Variants in CNTNAP5 observed in about 807,000 individuals in gnomAD.
CNTNAP5 encodes contactin associated protein family member 5.
Under a neutral mutation model 150.2 loss-of-function variants are expected in CNTNAP5, and 72 were observed. The ratio of observed to expected loss-of-function variants is 0.48; its 90% CI spans 0.40 to 0.58. The LOEUF (loss-of-function observed/expected upper bound fraction) is 0.58. CNTNAP5 is among the 20% of genes least tolerant of loss of function. The probability of loss-of-function intolerance (pLI) is 0.00; values close to 1 mark genes in which losing one functional copy is unlikely to be tolerated. For missense variants in CNTNAP5, 1,636 were observed against 1,626.2 expected (o/e 1.01, Z -0.10); for synonymous variants, 672 against 619.8 (o/e 1.08, Z -1.25).
intron 7 of CNTNAP5, among the ~76,000 whole-genome samples, chr2:124,503,289 G>T (rs909603568): frequency 2.0e-5 from 3 of 152,156 alleles, no homozygotes; most frequent in Admixed American, 2.0e-4. Flanking sequence ...AACATGGTTG[G>T]CACCTACGGA....
chr2:124,760,595 C>A (rs188468469), intron 14 of CNTNAP5, among the ~76,000 whole-genome samples: 1 of 151,990 alleles, frequency 6.6e-6, no homozygotes, highest in Non-Finnish European at 1.5e-5. Context: ...TTGCCACATG[C>A]GTTTTATTAT....
At chr2:124,347,262 T>G (rs1210998417) in intron 3 of CNTNAP5, among the ~76,000 whole-genome samples, 1 of 152,180 alleles carries the variant, frequency 6.6e-6, no homozygotes, top group Non-Finnish European at 1.5e-5. Flanking sequence ...TGACGGGGCA[T>G]CTGGAGAAAG....
At chr2:124,319,261 G>T (rs1291216565) in intron 3 of CNTNAP5, among the ~76,000 whole-genome samples, 1 of 152,118 alleles carries the variant, frequency 6.6e-6, no homozygotes, top group Non-Finnish European at 1.5e-5. Flanking sequence ...GCAGATGGCA[G>T]TTCTTCACTT....
chr2:124,239,356 A>G (rs560030382), intron 2 of CNTNAP5, among the ~76,000 whole-genome samples: 54 of 152,314 alleles, frequency 3.5e-4, no homozygotes, highest in African/African-American at 1.2e-3. Context: ...TTAAAGCATG[A>G]TGAGGAAGTC....
intron 1 of CNTNAP5, among the ~76,000 whole-genome samples, chr2:124,146,069 G>T (rs12328962): frequency 6.6e-6 from 1 of 152,100 alleles, no homozygotes; most frequent in African/African-American, 2.4e-5. Flanking sequence ...AAAGCAGATA[G>T]GACAAAGGTC....
rs1488520397 is a variant in CNTNAP5, at chr2:124,915,384, A to T, written c.*1096A>T. On this transcript the variant is annotated 3_prime_UTR_variant, in exon 24 of 24. Transcript: ENST00000682447. The stretch of plus-strand genomic sequence containing the variant: ...AAATGAAAAAAAAACTGCATGAAAG[A>T]AGAAAAATACCAAACAGAATTCTTC... The T allele has an allele frequency of 1.2e-5, 2 of 166,622 alleles. No homozygotes were observed. The highest frequency in any genetic ancestry group is 2.9e-5 in the Non-Finnish European group (2 of 68,074). The allele number at this position is 166,622 out of a possible 1,614,324, so 10.3% of individuals were successfully genotyped here. A position where few individuals can be genotyped will look rare whatever the true frequency, so the allele number is the denominator to read the frequency against.
chr2:124,226,319 C>T (rs1050247146), intron 2 of CNTNAP5, among the ~76,000 whole-genome samples: 3 of 152,098 alleles, frequency 2.0e-5, no homozygotes, highest in East Asian at 1.9e-4. Flanking sequence ...GGTGACGTCT[C>T]ATTGTGGTTT....
chr2:124,270,756 T>C (rs1391167258), intron 3 of CNTNAP5, among the ~76,000 whole-genome samples: 2 of 152,170 alleles, frequency 1.3e-5, no homozygotes, highest in African/African-American at 4.8e-5. Flanking sequence ...TCAAAATTCC[T>C]TATCCAAAAA....
intron 17 of CNTNAP5, among the ~76,000 whole-genome samples, chr2:124,779,748 C>A (rs760544700): frequency 2.0e-5 from 3 of 152,138 alleles, no homozygotes; most frequent in Non-Finnish European, 4.4e-5. Context: ...AATGGACCTG[C>A]CCCTACCCTG....
intron 1 of CNTNAP5, among the ~76,000 whole-genome samples, chr2:124,126,520 C>A (rs372533073): frequency 6.6e-6 from 1 of 152,080 alleles, no homozygotes; most frequent in East Asian, 1.9e-4. Context: ...AACTATTCCA[C>A]TCAATAGAAA....
chr2:124,188,570 T>G (rs1163912553), intron 1 of CNTNAP5, among the ~76,000 whole-genome samples: 1 of 151,566 alleles, frequency 6.6e-6, no homozygotes. Context: ...ATACAAAAAA[T>G]TAGCCGGGCG....
chr2:124,616,160 C>G (rs542457731), intron 12 of CNTNAP5, among the ~76,000 whole-genome samples: 1 of 152,246 alleles, frequency 6.6e-6, no homozygotes, highest in East Asian at 1.9e-4. Context: ...GAGATACAGC[C>G]TATCCTTGGA....
chr2:124,114,868 A>T (rs148136013), intron 1 of CNTNAP5, among the ~76,000 whole-genome samples: 2 of 151,662 alleles, frequency 1.3e-5, no homozygotes, highest in African/African-American at 4.8e-5. Flanking sequence ...GGATTTTTCA[A>T]ATGCTTTTTC....
intron 14 of CNTNAP5, among the ~76,000 whole-genome samples, chr2:124,763,304 G>C (rs1680997988): frequency 1.3e-5 from 2 of 152,154 alleles, no homozygotes; most frequent in South Asian, 4.1e-4. Context: ...GCTGTTTCAA[G>C]TTAGTTGCTG....
chr2:124,102,797 C>A (rs1270015113), intron 1 of CNTNAP5, among the ~76,000 whole-genome samples: 1 of 152,088 alleles, frequency 6.6e-6, no homozygotes, highest in Non-Finnish European at 1.5e-5. Flanking sequence ...TGCCTCACAG[C>A]GATGTTGTGA....
chr2:124,193,276 T>C (rs1486768262), intron 1 of CNTNAP5, among the ~76,000 whole-genome samples: 1 of 152,240 alleles, frequency 6.6e-6, no homozygotes, highest in East Asian at 1.9e-4. Context: ...CAGACTTCAA[T>C]GCCTCTTTTT....
chr2:124,533,503 T>C (rs2104897466), intron 10 of CNTNAP5, among the ~76,000 whole-genome samples: 1 of 152,296 alleles, frequency 6.6e-6, no homozygotes, highest in Middle Eastern at 3.4e-3. Flanking sequence ...TTGTGTGGAA[T>C]CTGCAAAGCT....
intron 3 of CNTNAP5, among the ~76,000 whole-genome samples, chr2:124,325,248 A>G (rs1689188356): frequency 6.6e-6 from 1 of 152,206 alleles, no homozygotes; most frequent in African/African-American, 2.4e-5. Context: ...CTCACTAGAT[A>G]TCAAACCTGC....
chr2:124,782,273 T>C (rs1466413208), intron 17 of CNTNAP5, among the ~76,000 whole-genome samples: 1 of 152,218 alleles, frequency 6.6e-6, no homozygotes, highest in East Asian at 1.9e-4. Context: ...TGATGGTGCC[T>C]GCATGCCCAG....
Sources: gnomAD v4.1 joint callset for allele counts (sites outside exome capture counted in the v4.1 genomes callset) on GRCh38, gnomAD v4.1.1 for gene constraint, MANE v1.5 for transcripts, NCBI Gene and HGNC (gene_info 2026-07-23, HGNC 2026-07-21) for gene names.